The following SGK1 variants were observed in gnomAD, a reference collection of about 807,000 sequenced individuals.
SGK1 encodes serine/threonine-protein kinase Sgk1.
Under a neutral mutation model 64.2 loss-of-function variants are expected in SGK1, and 26 were observed. That is an observed-to-expected ratio of 0.40 (90% CI 0.30 to 0.56). The LOEUF (loss-of-function observed/expected upper bound fraction) is 0.56, where lower values mean the gene tolerates loss of function less well. Among genes scored for constraint, SGK1 ranks in the 20% least tolerant of loss-of-function variants. The pLI is 0.38. For missense variants in SGK1, 519 were observed against 645.6 expected (o/e 0.80, Z 2.12); for synonymous variants, 265 against 239.7 (o/e 1.11, Z -0.98).
intron 2 of SGK1, among the ~76,000 whole-genome samples, chr6:134,258,352 T>C (rs1246492844): frequency 6.6e-6 from 1 of 151,806 alleles, no homozygotes; most frequent in Non-Finnish European, 1.5e-5. Context: ...TTCCCTGGGG[T>C]TACAGGCATG....
chr6:134,205,526 A>C (rs1170022895), intron 3 of SGK1, among the ~76,000 whole-genome samples: 1 of 152,036 alleles, frequency 6.6e-6, no homozygotes, highest in Non-Finnish European at 1.5e-5. Flanking sequence ...TATGAAGAAC[A>C]GATTATAGCA....
At chr6:134,264,071 T>C (rs1485406285) in intron 1 of SGK1, among the ~76,000 whole-genome samples, 2 of 151,890 alleles carry the variant, frequency 1.3e-5, no homozygotes, top group East Asian at 3.9e-4. Flanking sequence ...AAAGGCGGGA[T>C]CCAGGCACCT....
chr6:134,214,960 T>C (rs1362069014), intron 2 of SGK1: 2 of 421,468 alleles, frequency 4.7e-6, no homozygotes, highest in Non-Finnish European at 9.4e-6. Flanking sequence ...AAGGTAACCG[T>C]TGAATGTTTA....
chr6:134,283,925 T>G (rs1777139981), intron 1 of SGK1, among the ~76,000 whole-genome samples: 1 of 133,180 alleles, frequency 7.5e-6, no homozygotes, highest in African/African-American at 2.7e-5. Flanking sequence ...AATCTTTCAC[T>G]CTTTTAAGTG....
intron 3 of SGK1, 144 bp downstream of exon 3, chr6:134,207,212 C>T (rs1775807321): frequency 1.7e-6 from 1 of 602,640 alleles, no homozygotes; most frequent in Non-Finnish European, 2.9e-6. Flanking sequence ...GGCAACAGAG[C>T]AAGACTCTGT....
At chr6:134,259,191 CA>C (rs1350620695) in intron 2 of SGK1, among the ~76,000 whole-genome samples, 24 of 152,100 alleles carry the variant, frequency 1.6e-4, no homozygotes, top group Non-Finnish European at 2.2e-4. Context: ...TGTGGAATTT[CA>C]CTGTTGCATT....
chr6:134,203,585 A>G (rs1377676903), intron 3 of SGK1, among the ~76,000 whole-genome samples: 1 of 152,238 alleles, frequency 6.6e-6, no homozygotes, highest in Non-Finnish European at 1.5e-5. Context: ...CACCTTAACT[A>G]TAAGACACAG....
At chr6:134,292,184 A>G (rs1777276847) in intron 1 of SGK1, among the ~76,000 whole-genome samples, 1 of 152,220 alleles carries the variant, frequency 6.6e-6, no homozygotes, top group Admixed American at 6.5e-5. Context: ...TTGCCATTTT[A>G]TAGACAAAGA....
chr6:134,229,367 T>A (rs983064028), intron 2 of SGK1, among the ~76,000 whole-genome samples: 1 of 152,192 alleles, frequency 6.6e-6, no homozygotes, highest in African/African-American at 2.4e-5. Flanking sequence ...TAAAAAAGAA[T>A]AAGCCTGTAG....
intron 3 of SGK1, among the ~76,000 whole-genome samples, chr6:134,206,360 TATATATATATATATATA>T (rs1775774652): frequency 5.4e-4 from 4 of 7,356 alleles, no homozygotes; most frequent in Admixed American, 9.8e-4. Context: ...TATATATATA[TATATATATATATATATA>T]TATATATTTT....
At chr6:134,300,403 T>TG (rs1313725445) in intron 1 of SGK1, among the ~76,000 whole-genome samples, 1 of 151,328 alleles carries the variant, frequency 6.6e-6, no homozygotes, top group South Asian at 2.1e-4. Context: ...GCCAGGCGTG[T>TG]GGCGGGCGCC....
rs561169566 is a variant in SGK1 at position 134,229,274 on chromosome 6, C to A, written c.286-21843G>T. ...GGTCTGTAAACGTCCCTTTCCCTTC[C>A]CGTTAAACTTAACAAGAATAAGCCT... is the stretch of plus-strand genomic sequence containing the variant. On this transcript the variant is annotated intron_variant, in intron 2 of 13. Transcript: ENST00000367858. Among the ~76,000 whole-genome samples, 3 of 152,318 alleles carry A rather than the reference C, an allele frequency of 2.0e-5. No individual in the cohort carries two copies. The East Asian group carries it at 5.8e-4, about 29-fold the overall frequency.
chr6:134,177,131 T>A (rs900621821), intron 3 of SGK1, among the ~76,000 whole-genome samples: 1 of 152,062 alleles, frequency 6.6e-6, no homozygotes, highest in Non-Finnish European at 1.5e-5. Flanking sequence ...GGAGAATCGC[T>A]TGAACCCGGG....
intron 3 of SGK1, among the ~76,000 whole-genome samples, chr6:134,194,092 G>A (rs995738601): frequency 2.6e-5 from 4 of 151,822 alleles, no homozygotes; most frequent in African/African-American, 9.7e-5. Context: ...GGAGGAAAGT[G>A]GAGTTACATG....
chr6:134,310,583 T>TTTTG (rs906333874), intron 1 of SGK1, among the ~76,000 whole-genome samples: 11 of 152,218 alleles, frequency 7.2e-5, no homozygotes, highest in African/African-American at 2.6e-4. Flanking sequence ...ACTATATAGT[T>TTTTG]TTTGTTTGTT....
At chr6:134,231,207 T>C (rs1743946) in intron 2 of SGK1, among the ~76,000 whole-genome samples, 117,708 of 151,974 alleles carry the variant, frequency 0.77, 45,988 homozygotes, top group South Asian at 0.92. Flanking sequence ...TAAACCAAAA[T>C]CCCAAAAGAT....
intron 1 of SGK1, among the ~76,000 whole-genome samples, chr6:134,302,048 G>T (rs1039413989): frequency 6.6e-6 from 1 of 152,176 alleles, no homozygotes; most frequent in African/African-American, 2.4e-5. Context: ...AGTGAATGGG[G>T]AATAATAAAG....
intron 10 of SGK1, 194 bp from the exon 11 acceptor site, chr6:134,171,926 T>C: frequency 1.6e-6 from 1 of 616,526 alleles, no homozygotes; most frequent in Admixed American, 3.1e-5. Flanking sequence ...TTTAGGAAAC[T>C]GCTGGGCACT....
intron 2 of SGK1, among the ~76,000 whole-genome samples, chr6:134,247,105 T>A (rs1384896085): frequency 6.6e-6 from 1 of 152,154 alleles, no homozygotes; most frequent in East Asian, 1.9e-4. Flanking sequence ...GTCCCTTCTA[T>A]GCCCCAGTGC....
Sources: allele counts gnomAD v4.1 joint callset (sites outside exome capture counted in the v4.1 genomes callset), GRCh38; gene constraint gnomAD v4.1.1; transcripts MANE v1.5; gene names NCBI Gene and HGNC (gene_info 2026-07-23, HGNC 2026-07-21).